The following GLRA3 variants were observed in gnomAD, a reference collection of about 807,000 sequenced individuals.
GLRA3 encodes the protein glycine receptor subunit alpha-3.
A neutral mutation model predicts 60.4 loss-of-function variants in GLRA3; 44 were observed. The ratio of observed to expected loss-of-function variants is 0.73; its 90% CI spans 0.57 to 0.94. The LOEUF (loss-of-function observed/expected upper bound fraction) is 0.94, where lower values mean the gene tolerates loss of function less well. GLRA3 is among the 40% of genes least tolerant of loss of function. The pLI is 0.00. For missense variants in GLRA3, 508 were observed against 564.6 expected, an observed-to-expected ratio of 0.90 and a Z score of 1.02; for synonymous variants, 223 against 192.9, an observed-to-expected ratio of 1.16 and a Z score of -1.29.
intron 3 of GLRA3, among the ~76,000 whole-genome samples, chr4:174,743,872 T>G (rs962619238): frequency 6.6e-6 from 1 of 152,188 alleles, no homozygotes; most frequent in East Asian, 1.9e-4. Context: ...AAGTGACAGC[T>G]CTGTGCCTGG....
At chr4:174,826,854 T>G (rs1486593860) in intron 1 of GLRA3, among the ~76,000 whole-genome samples, 2 of 148,514 alleles carry the variant, frequency 1.3e-5, no homozygotes, top group African/African-American at 2.5e-5. Context: ...TTACAAAATA[T>G]TTCCAGTAGA....
intron 1 of GLRA3, among the ~76,000 whole-genome samples, chr4:174,826,907 T>G (rs1265765348): frequency 6.6e-6 from 1 of 151,328 alleles, no homozygotes; most frequent in Non-Finnish European, 1.5e-5. Context: ...AAATCCTCTT[T>G]TGGGGGTCAT....
At chr4:174,653,594 A>G (rs34261695) in intron 9 of GLRA3, among the ~76,000 whole-genome samples, 36,375 of 151,788 alleles carry the variant, frequency 0.24, 5,382 homozygotes, top group East Asian at 0.4. Context: ...TTAAATTTAA[A>G]AAGATGAATG....
chr4:174,729,123 A>G (rs1736452829), intron 3 of GLRA3, among the ~76,000 whole-genome samples: 1 of 152,190 alleles, frequency 6.6e-6, no homozygotes, highest in East Asian at 1.9e-4. Flanking sequence ...CAAAGAAAAG[A>G]CCACAATTTA....
intron 5 of GLRA3, among the ~76,000 whole-genome samples, chr4:174,699,809 TTAATAATTAA>T (rs1177159925): frequency 1.1e-4 from 1 of 9,020 alleles, no homozygotes; most frequent in Non-Finnish European, 4.4e-4. Flanking sequence ...AATTATTTAA[TTAATAATTAA>T]TAATTTATTT....
Position 174,643,880 on chromosome 4 carries a change from G to A in GLRA3, c.1301C>T (p.Ala434Val), listed in dbSNP as rs771142846. Reference sequence around the variant, plus strand: ...AATCAAAAAAGCTAATGGGAAGCAGGCTCGGGAGATGGTATCAATCTTCTT... The same window carrying A: ...AATCAAAAAAGCTAATGGGAAGCAGACTCGGGAGATGGTATCAATCTTCTT... ...RAKKIDTISR[A>V]CFPLAFLIFN... The change falls in exon 10 of 10, where the codon GCC (alanine) becomes GTC (valine). Residue 434 changes from alanine (A) to valine (V), a missense_variant. Physicochemically the swap from Ala to Val is moderately conservative, Grantham distance 64. Coordinates refer to ENST00000274093, the MANE Select transcript of GLRA3 (RefSeq NM_006529.4). 7 of 1,614,000 alleles carry A rather than the reference G, an allele frequency of 4.3e-6. No individual in the cohort carries two copies. In the East Asian group the frequency reaches 6.7e-5, roughly 15 times the overall value.
intron 2 of GLRA3, among the ~76,000 whole-genome samples, chr4:174,781,568 C>T (rs368519216): frequency 6.9e-6 from 1 of 145,882 alleles, no homozygotes; most frequent in African/African-American, 2.6e-5. Flanking sequence ...AGACCGCTAG[C>T]AAGACTAATA....
At chr4:174,792,349 A>T (rs1261878948) in intron 1 of GLRA3, among the ~76,000 whole-genome samples, 1 of 151,952 alleles carries the variant, frequency 6.6e-6, no homozygotes, top group Non-Finnish European at 1.5e-5. Context: ...TTTTTTAATG[A>T]TCTTTTCTTC....
chr4:174,734,124 A>G (rs1736676337), intron 3 of GLRA3, among the ~76,000 whole-genome samples: 1 of 152,202 alleles, frequency 6.6e-6, no homozygotes, highest in Non-Finnish European at 1.5e-5. Flanking sequence ...CTGTTTTAAA[A>G]AATCCTAATC....
intron 4 of GLRA3, among the ~76,000 whole-genome samples, chr4:174,721,854 CATATGTGTGTGT>C (rs11275017): frequency 0.2 from 29,766 of 149,926 alleles, 3,008 homozygotes; most frequent in African/African-American, 0.24. Flanking sequence ...TGTGTGTATA[CATATGTGTGTGT>C]ATATGTGTGT....
chr4:174,777,822 T>C (rs965096388), intron 2 of GLRA3, among the ~76,000 whole-genome samples: 5 of 152,174 alleles, frequency 3.3e-5, no homozygotes, highest in Admixed American at 6.5e-5. Context: ...ATATGCACTT[T>C]CCAATCAATT....
At chr4:174,807,549 A>G (rs1740099186) in intron 1 of GLRA3, among the ~76,000 whole-genome samples, 1 of 152,102 alleles carries the variant, frequency 6.6e-6, no homozygotes, top group Non-Finnish European at 1.5e-5. Flanking sequence ...AGCCTATTTG[A>G]GATCAAAGGA....
chr4:174,692,647 C>A (rs4695949), intron 5 of GLRA3, among the ~76,000 whole-genome samples: 60,766 of 148,310 alleles, frequency 0.41, 13,023 homozygotes, highest in Middle Eastern at 0.53. Context: ...TACCCCCAAC[C>A]CTGTGCTCTC....
intron 1 of GLRA3, among the ~76,000 whole-genome samples, chr4:174,797,078 C>A (rs183730948): frequency 2.0e-5 from 3 of 152,202 alleles, no homozygotes; most frequent in African/African-American, 7.2e-5. Flanking sequence ...TTTGAAATAG[C>A]CCACATCATT....
chr4:174,692,073 G>A (rs1393695531), intron 5 of GLRA3, among the ~76,000 whole-genome samples: 1 of 144,124 alleles, frequency 6.9e-6, no homozygotes, highest in Non-Finnish European at 1.5e-5. Context: ...GAGCGTCTCT[G>A]CTGGGCCGCC....
intron 3 of GLRA3, among the ~76,000 whole-genome samples, chr4:174,759,147 T>A (rs1374586650): frequency 6.6e-6 from 1 of 152,016 alleles, no homozygotes; most frequent in African/African-American, 2.4e-5. Flanking sequence ...TGTTGAAACA[T>A]CAAGACAAGA....
intron 5 of GLRA3, among the ~76,000 whole-genome samples, chr4:174,703,046 A>G (rs1311005337): frequency 6.6e-6 from 1 of 152,164 alleles, no homozygotes; most frequent in African/African-American, 2.4e-5. Context: ...CTGCATGTAG[A>G]TTTTCCTGAT....
At chr4:174,797,864 CA>C (rs1739632996) in intron 1 of GLRA3, among the ~76,000 whole-genome samples, 1 of 151,192 alleles carries the variant, frequency 6.6e-6, no homozygotes, top group African/African-American at 2.4e-5. Context: ...GTCAAAGCTG[CA>C]GAGAGCCATG....
At chr4:174,753,688 C>T (rs1737572955) in intron 3 of GLRA3, among the ~76,000 whole-genome samples, 1 of 152,108 alleles carries the variant, frequency 6.6e-6, no homozygotes, top group African/African-American at 2.4e-5. Context: ...CTCTACGATA[C>T]CTTCCTCTAG....
Sources: gnomAD v4.1 joint callset for allele counts (sites outside exome capture counted in the v4.1 genomes callset) on GRCh38, gnomAD v4.1.1 for gene constraint, MANE v1.5 for transcripts, NCBI Gene and HGNC (gene_info 2026-07-23, HGNC 2026-07-21) for gene names.